CHL1: variants seen among roughly 807,000 people sequenced by gnomAD.
CHL1 encodes the protein neural cell adhesion molecule L1-like protein.
In CHL1, 96 loss-of-function variants were observed where a neutral mutation model predicts 141.9. The ratio of observed to expected loss-of-function variants is 0.68; its 90% CI spans 0.57 to 0.80. The LOEUF (loss-of-function observed/expected upper bound fraction) is 0.80. CHL1 is among the 30% of genes least tolerant of loss of function. The pLI, the probability that CHL1 is intolerant of heterozygous loss-of-function variation, is 0.00. For synonymous variants in CHL1, 613 were observed against 502.2 expected (o/e 1.22, Z -2.95); for missense variants, 1,820 against 1,457.2 (o/e 1.25, Z -4.05).
chr3:369,064 T>C (rs1324226336), intron 15 of CHL1, among the ~76,000 whole-genome samples: 17 of 152,248 alleles, frequency 1.1e-4, no homozygotes, highest in African/African-American at 4.1e-4. Context: ...TTAGGATTGT[T>C]TTGTCTATAT....
At chr3:330,602 T>C (rs1349102508) in intron 5 of CHL1, among the ~76,000 whole-genome samples, 7 of 152,172 alleles carry the variant, frequency 4.6e-5, no homozygotes, top group African/African-American at 1.7e-4. Flanking sequence ...AAGTAAACTA[T>C]TTCTATTTAT....
rs558715433 is a variant in CHL1 at position 266,892 on chromosome 3, T to C, written c.-95+22200T>C. Among the ~76,000 whole-genome samples, 10 of 152,284 alleles carry C rather than the reference T, an allele frequency of 6.6e-5. No individual in the cohort carries two copies. In the East Asian group the frequency reaches 7.7e-4, roughly 12 times the overall value. ...AATAAGAGCTGGAGAGATTTCCTAATTATCTGAGGGTGCAGGAAATCATTT... is the reference window on the plus strand; with the variant it reads ...AATAAGAGCTGGAGAGATTTCCTAACTATCTGAGGGTGCAGGAAATCATTT... On this transcript the variant is annotated intron_variant, in intron 2 of 27. Coordinates refer to ENST00000256509, the MANE Select transcript of CHL1 (RefSeq NM_006614.4).
rs186232842 is a variant in CHL1 at position 350,819 on chromosome 3, C to T, written c.1033+1276C>T. 3.1e-3 allele frequency among the ~76,000 whole-genome samples: 475 copies of T among 152,220 alleles called. 6 individuals are homozygous for T. Among genetic ancestry groups the T allele is most frequent in the Non-Finnish European group, 4.8e-3 (327 of 68,022 alleles). On this transcript the variant is annotated intron_variant, in intron 10 of 27. Coordinates refer to ENST00000256509, the MANE Select transcript of CHL1 (RefSeq NM_006614.4). ...CAAAACTTATATAGATATGCATTAA[C>T]GTCAACATCTGCCAAACAGTGATAT...
chr3:218,449 C>T lies in CHL1; in HGVS notation c.-175+21386C>T, dbSNP rs143355089. ...CTTTTGTGTATCATATTTAAGTTTC[C>T]TCAAGTCAGTAGAGAAGATGTTACC... On this transcript the variant is annotated intron_variant, in intron 1 of 27. Transcript: ENST00000256509. Among the ~76,000 whole-genome samples, 118 of 152,168 alleles carry T rather than the reference C, an allele frequency of 7.8e-4. 1 individual carries two copies. Among genetic ancestry groups the T allele is most frequent in the African/African-American group, 2.7e-3 (111 of 41,494 alleles).
In CHL1 at chr3:399,138, A is replaced by G. The variant is rs143032453; in HGVS notation, c.3375A>G (p.Gly1125=). The change falls in exon 26 of 28, where the codon GGA becomes GGG. Residue 1125 remains glycine, a synonymous_variant. Coordinates refer to ENST00000256509, the MANE Select transcript of CHL1 (RefSeq NM_006614.4). ...GCTTTGTGAAGAGGAATAGAGGTGG[A>G]AAGTACTCAGGTAAAATTGTTTCTT... ...TVCFVKRNRG[G]KYSVKEKEDL... 3.7e-6 allele frequency: 6 copies of G among 1,609,816 alleles called. No homozygotes were observed. The highest frequency in any genetic ancestry group is 3.4e-6 in the Non-Finnish European group (4 of 1,176,330).
intron 2 of CHL1, among the ~76,000 whole-genome samples, chr3:292,622 G>A (rs1352693122): frequency 6.6e-6 from 1 of 152,146 alleles, no homozygotes; most frequent in African/African-American, 2.4e-5. Context: ...GAATACCCGA[G>A]ACTTAGTAAT....
chr3:344,753 T>G (rs1206313644), intron 9 of CHL1, 44 bp downstream of exon 9: 3 of 1,593,562 alleles, frequency 1.9e-6, no homozygotes, highest in Non-Finnish European at 2.6e-6. Context: ...CATCCAGTTC[T>G]GTAAAGAATA....
At chr3:388,700 GT>G (rs1707974670) in intron 19 of CHL1, among the ~76,000 whole-genome samples, 1 of 32,318 alleles carries the variant, frequency 3.1e-5, no homozygotes. Context: ...AGGAGCTACT[GT>G]TTTTTTGTAT....
chr3:244,019 G>T (rs951772133), intron 1 of CHL1, among the ~76,000 whole-genome samples: 1 of 152,290 alleles, frequency 6.6e-6, no homozygotes, highest in Middle Eastern at 3.4e-3. Flanking sequence ...AACAGTAAAA[G>T]GATTGGATAT....
At chr3:366,849 C>T (rs1338455912) in intron 15 of CHL1, among the ~76,000 whole-genome samples, 2 of 152,250 alleles carry the variant, frequency 1.3e-5, no homozygotes, top group African/African-American at 4.8e-5. Flanking sequence ...AGTCCTGCCA[C>T]TGCCACCTCT....
intron 2 of CHL1, among the ~76,000 whole-genome samples, chr3:310,905 C>A (rs1363434250): frequency 1.3e-5 from 2 of 152,224 alleles, no homozygotes; most frequent in African/African-American, 4.8e-5. Flanking sequence ...CTCCCTTAAC[C>A]CCTCACAACC....
chr3:389,036 G>C (rs1306427563), intron 19 of CHL1, among the ~76,000 whole-genome samples: 2 of 31,350 alleles, frequency 6.4e-5, no homozygotes, highest in Admixed American at 5.1e-4. Flanking sequence ...TAGGCTTCTC[G>C]TTACTTGGGG....
intron 2 of CHL1, among the ~76,000 whole-genome samples, chr3:250,467 G>C (rs922866009): frequency 4.6e-5 from 7 of 152,070 alleles, no homozygotes; most frequent in African/African-American, 1.7e-4. Context: ...TGGAAGATTA[G>C]GGTTATTTTT....
At chr3:319,937 T>A in intron 3 of CHL1, 70 bp downstream of exon 3, 2 of 841,256 alleles carry the variant, frequency 2.4e-6, no homozygotes, top group Admixed American at 4.4e-5. Context: ...AGTAGAATAC[T>A]TATGGATTGA....
chr3:273,656 G>A (rs1207919761), intron 2 of CHL1, among the ~76,000 whole-genome samples: 1 of 152,004 alleles, frequency 6.6e-6, no homozygotes, highest in East Asian at 1.9e-4. Flanking sequence ...CTTGAATTTT[G>A]ATGTCACATT....
At chr3:295,877 T>C (rs1323423050) in intron 2 of CHL1, among the ~76,000 whole-genome samples, 6 of 152,176 alleles carry the variant, frequency 3.9e-5, no homozygotes, top group Non-Finnish European at 8.8e-5. Context: ...TAAGCGACGA[T>C]TGAGTGTACA....
At chr3:225,992 GAA>G (rs1701303871) in intron 1 of CHL1, among the ~76,000 whole-genome samples, 1 of 150,872 alleles carries the variant, frequency 6.6e-6, no homozygotes, top group African/African-American at 2.4e-5. Context: ...CCGGGAGACA[GAA>G]TGAGACTCTG....
Position 295,190 on chromosome 3 carries a change from A to G in CHL1, c.-94-24493A>G, listed in dbSNP as rs117940984. On this transcript the variant is annotated intron_variant, in intron 2 of 27. Transcript: ENST00000256509. ...CCAAAAAAACTAACAAAATTTAGGG[A>G]AGGAGCTGATTTCACATTTCTTCAG... Among the ~76,000 whole-genome samples the G allele has an allele frequency of 1.1e-3, 172 of 152,240 alleles. 2 individuals carry two copies. The East Asian group carries it at 0.029, about 26-fold the overall frequency.
intron 9 of CHL1, among the ~76,000 whole-genome samples, 176 bp from the exon 10 acceptor site, chr3:349,183 C>G (rs9874353): frequency 0.02 from 3,117 of 152,258 alleles, 118 homozygotes; most frequent in African/African-American, 0.072. Flanking sequence ...GCTTCAACAC[C>G]AGTGTTCACT....
Sources: gnomAD v4.1 joint callset for allele counts (sites outside exome capture counted in the v4.1 genomes callset) on GRCh38, gnomAD v4.1.1 for gene constraint, MANE v1.5 for transcripts, NCBI Gene and HGNC (gene_info 2026-07-23, HGNC 2026-07-21) for gene names.